Variants in SLC9A9 observed in about 807,000 individuals in gnomAD.
SLC9A9 encodes sodium/hydrogen exchanger 9.
In SLC9A9, 62 loss-of-function variants were observed where a neutral mutation model predicts 77.8. The ratio of observed to expected loss-of-function variants is 0.80; its 90% CI spans 0.65 to 0.98. The LOEUF (loss-of-function observed/expected upper bound fraction) is 0.98, where lower values mean the gene tolerates loss of function less well. SLC9A9 is among the 50% of genes least tolerant of loss of function. The pLI, the probability that SLC9A9 is intolerant of heterozygous loss-of-function variation, is 0.00. For missense variants in SLC9A9, 775 were observed against 774.9 expected (o/e 1.00, Z 0.00); for synonymous variants, 320 against 283.5 (o/e 1.13, Z -1.29).
rs182698953 is a variant in SLC9A9, at chr3:143,348,720, C to T, written c.1604+14764G>A. 8.2e-3 allele frequency among the ~76,000 whole-genome samples: 1,250 copies of T among 152,280 alleles called. 16 individuals carry two copies. The highest frequency in any genetic ancestry group is 0.028 in the African/African-American group (1,148 of 41,538). Reference sequence around the variant, plus strand: ...TGGAAAAGCTAAAAAATGAACTCTACTTCCCAAGCCTATTAAAAAACATGG... The same window carrying T: ...TGGAAAAGCTAAAAAATGAACTCTATTTCCCAAGCCTATTAAAAAACATGG... On this transcript the variant is annotated intron_variant, in intron 14 of 15. Transcript: ENST00000316549.
At chr3:143,606,063 T>C (rs1428407750) in intron 6 of SLC9A9, among the ~76,000 whole-genome samples, 1 of 152,106 alleles carries the variant, frequency 6.6e-6, no homozygotes, top group African/African-American at 2.4e-5. Flanking sequence ...TAAATTAATA[T>C]CCTTCTCATT....
chr3:143,416,527 G>T (rs1475814816), intron 12 of SLC9A9, among the ~76,000 whole-genome samples: 1 of 152,244 alleles, frequency 6.6e-6, no homozygotes, highest in East Asian at 1.9e-4. Context: ...ACTACTCACT[G>T]AAGTATTAGA....
chr3:143,755,640 T>C (rs1050852467), intron 4 of SLC9A9, among the ~76,000 whole-genome samples: 1 of 152,160 alleles, frequency 6.6e-6, no homozygotes, highest in Non-Finnish European at 1.5e-5. Flanking sequence ...AGATGAAAGA[T>C]AGAAATATGG....
At chr3:143,557,257 G>C (rs2037001281) in intron 8 of SLC9A9, among the ~76,000 whole-genome samples, 1 of 152,172 alleles carries the variant, frequency 6.6e-6, no homozygotes, top group African/African-American at 2.4e-5. Flanking sequence ...TAAGTTTCCT[G>C]AAGCCTCCTC....
Position 143,552,448 on chromosome 3 carries a change from T to C in SLC9A9, c.1003A>G (p.Ile335Val). 3 of 1,612,666 alleles carry C rather than the reference T, an allele frequency of 1.9e-6. No homozygotes were observed. Among genetic ancestry groups the C allele is most frequent in the Non-Finnish European group, 2.5e-6 (3 of 1,179,264 alleles). The stretch of plus-strand genomic sequence containing the variant: ...ACTCCACAGAAGAGAACAGCAACTA[T>C]CCCTGAAATTAAAAAAACAGATCAG... ...LSAEAAGLTG[I>V]VAVLFCGVTQ... The change falls in exon 9 of 16, where the codon ATA becomes GTA. Residue 335 changes from isoleucine (I) to valine (V), a missense_variant and splice_region_variant. By Grantham distance (29) the Ile-to-Val change is conservative. Coordinates refer to ENST00000316549, the MANE Select transcript of SLC9A9 (RefSeq NM_173653.4).
At chr3:143,491,192 G>T (rs1454907702) in intron 11 of SLC9A9, among the ~76,000 whole-genome samples, 3 of 152,100 alleles carry the variant, frequency 2.0e-5, no homozygotes, top group Non-Finnish European at 4.4e-5. Flanking sequence ...TATGTAGGTA[G>T]GTGTCCTGAA....
intron 14 of SLC9A9, among the ~76,000 whole-genome samples, chr3:143,307,174 C>T (rs896476829): frequency 6.6e-6 from 1 of 152,192 alleles, no homozygotes; most frequent in Admixed American, 6.5e-5. Context: ...TATTCGGTGC[C>T]TCTATGTTGG....
At chr3:143,750,804 A>G (rs956209341) in intron 4 of SLC9A9, among the ~76,000 whole-genome samples, 1 of 150,668 alleles carries the variant, frequency 6.6e-6, no homozygotes, top group African/African-American at 2.4e-5. Context: ...TCTTCTTTTA[A>G]AAAACAAACC....
intron 3 of SLC9A9, among the ~76,000 whole-genome samples, chr3:143,795,890 C>T (rs990472923): frequency 6.6e-6 from 1 of 152,190 alleles, no homozygotes; most frequent in Non-Finnish European, 1.5e-5. Context: ...GGGAAAACCC[C>T]ATTCCAGTTT....
Position 143,266,861 on chromosome 3 carries a change from C to T in SLC9A9, c.1779G>A (p.Glu593=). Residue 593 remains glutamate, a synonymous_variant, in exon 16 of 16, where the codon GAG becomes GAA. Coordinates refer to ENST00000316549, the MANE Select transcript of SLC9A9 (RefSeq NM_173653.4). ...GAGGACTGCAGGGTGAGGAGGCTTG[C>T]TCCTGGTAATTTATGGCTAGTTCAT... ...NQDELAINYQ[E]QASSPCSPPA... is the part of the protein sequence containing the mutation. 2 of 1,614,152 alleles carry T rather than the reference C, an allele frequency of 1.2e-6. No individual in the cohort carries two copies. Among genetic ancestry groups the T allele is most frequent in the Non-Finnish European group, 1.7e-6 (2 of 1,180,028 alleles).
intron 5 of SLC9A9, among the ~76,000 whole-genome samples, chr3:143,680,666 T>G (rs1223223633): frequency 6.6e-6 from 1 of 152,170 alleles, no homozygotes; most frequent in Admixed American, 6.5e-5. Flanking sequence ...CTCACAAAAT[T>G]TCGTTTTTAA....
chr3:143,410,775 A>G (rs2034081063), intron 12 of SLC9A9, among the ~76,000 whole-genome samples: 1 of 152,152 alleles, frequency 6.6e-6, no homozygotes, highest in South Asian at 2.1e-4. Flanking sequence ...AAAAGTATTT[A>G]AGACTGCATA....
chr3:143,707,966 A>G (rs1046889777), intron 4 of SLC9A9, among the ~76,000 whole-genome samples: 1 of 151,882 alleles, frequency 6.6e-6, no homozygotes, highest in Non-Finnish European at 1.5e-5. Context: ...GCACTCACTC[A>G]CCCTTGCATG....
At chr3:143,817,456 AT>A (rs2009051859) in intron 2 of SLC9A9, among the ~76,000 whole-genome samples, 2 of 152,114 alleles carry the variant, frequency 1.3e-5, no homozygotes, top group African/African-American at 4.8e-5. Context: ...CCAAAAGTTT[AT>A]TTTATTGTAG....
At chr3:143,353,609 C>T (rs1183847036) in intron 14 of SLC9A9, among the ~76,000 whole-genome samples, 2 of 152,066 alleles carry the variant, frequency 1.3e-5, no homozygotes, top group Admixed American at 6.5e-5. Flanking sequence ...GCAGCCTGAA[C>T]AAACTAAAAA....
Position 143,613,017 on chromosome 3 carries a change from G to T in SLC9A9, c.756-34294C>A, listed in dbSNP as rs139773572. Among the ~76,000 whole-genome samples, 15 of 152,320 alleles carry T rather than the reference G, an allele frequency of 9.8e-5. No individual in the cohort carries two copies. In the East Asian group the frequency reaches 2.9e-3, roughly 29 times the overall value. On this transcript the variant is annotated intron_variant, in intron 6 of 15. Coordinates refer to ENST00000316549, the MANE Select transcript of SLC9A9 (RefSeq NM_173653.4). ...CAATTTGGAAACAGCTGTGCTGATT[G>T]TAATAGCCTCCCAATAACATACTGC...
At chr3:143,402,564 T>A (rs1351449461) in intron 12 of SLC9A9, among the ~76,000 whole-genome samples, 1 of 151,814 alleles carries the variant, frequency 6.6e-6, no homozygotes, top group Non-Finnish European at 1.5e-5. Flanking sequence ...TCTATGTTTA[T>A]AATGGTTATA....
intron 4 of SLC9A9, among the ~76,000 whole-genome samples, chr3:143,769,116 A>T (rs2007428248): frequency 6.6e-6 from 1 of 152,192 alleles, no homozygotes; most frequent in African/African-American, 2.4e-5. Flanking sequence ...CATATGTAAA[A>T]TACTTGGCAA....
intron 4 of SLC9A9, among the ~76,000 whole-genome samples, chr3:143,735,232 G>C (rs1934909123): frequency 6.6e-6 from 1 of 152,140 alleles, no homozygotes; most frequent in Admixed American, 6.5e-5. Flanking sequence ...TGAAAATCTT[G>C]CTAATGGTTA....
Sources: gnomAD v4.1 joint callset for allele counts (sites outside exome capture counted in the v4.1 genomes callset) on GRCh38, gnomAD v4.1.1 for gene constraint, MANE v1.5 for transcripts, NCBI Gene and HGNC (gene_info 2026-07-23, HGNC 2026-07-21) for gene names.